The following ANKFN1 variants were observed in gnomAD, a reference collection of about 807,000 sequenced individuals.
ANKFN1 encodes ankyrin repeat and fibronectin type-III domain-containing protein 1.
A neutral mutation model predicts 108.7 loss-of-function variants in ANKFN1; 74 were observed. The ratio of observed to expected loss-of-function variants is 0.68; its 90% CI spans 0.56 to 0.83. The LOEUF is 0.83. Among genes scored for constraint, ANKFN1 ranks in the 40% least tolerant of loss-of-function variants. The probability of loss-of-function intolerance (pLI) is 0.00; values close to 1 mark genes in which losing one functional copy is unlikely to be tolerated. For synonymous variants in ANKFN1, 547 were observed against 516.2 expected (o/e 1.06, Z -0.81); for missense variants, 1,505 against 1,382.3 (o/e 1.09, Z -1.41).
intron 4 of ANKFN1, among the ~76,000 whole-genome samples, chr17:56,144,203 A>G (rs1908117606): frequency 6.6e-6 from 1 of 150,864 alleles, no homozygotes; most frequent in African/African-American, 2.4e-5. Context: ...AACCAAATGA[A>G]TGCAGAGGCA....
At chr17:56,167,261 GTATATATATATACATA>G (rs1477206417) in intron 1 of ANKFN1, among the ~76,000 whole-genome samples, 1 of 74,720 alleles carries the variant, frequency 1.3e-5, no homozygotes, top group East Asian at 4.3e-4. Flanking sequence ...GTATGTGTGT[GTATATATATATACATA>G]TATATATATA....
chr17:56,484,016 T>C (rs973643111), intron 18 of ANKFN1, among the ~76,000 whole-genome samples: 1 of 152,242 alleles, frequency 6.6e-6, no homozygotes, highest in East Asian at 1.9e-4. Flanking sequence ...GAGAAAGCCT[T>C]CATGGAGGGA....
chr17:56,449,155 C>A lies in ANKFN1; in HGVS notation c.1176C>A (p.Val392=). ...SEVLEGLLQQ[V]RALHQHYSCR... ...TTTTGGAAGGTCTGCTGCAGCAGGT[C>A]CGAGCCCTTCATCAGCATTACAGTT... The change falls in exon 11 of 21, where the codon GTC becomes GTA. Residue 392 remains valine, a synonymous_variant. Coordinates refer to ENST00000682825, the MANE Select transcript of ANKFN1 (RefSeq NM_001370326.1). The A allele has an allele frequency of 6.2e-7, 1 of 1,613,394 alleles. No individual in the cohort carries two copies. Among genetic ancestry groups the A allele is most frequent in the Non-Finnish European group, 8.5e-7 (1 of 1,179,640 alleles).
intron 8 of ANKFN1, among the ~76,000 whole-genome samples, chr17:56,409,336 T>G (rs2048020507): frequency 1.3e-5 from 2 of 152,200 alleles, no homozygotes; most frequent in South Asian, 4.1e-4. Context: ...TGTTTGCACT[T>G]ACAGGAAGAT....
chr17:56,291,145 G>A (rs1268007723), intron 3 of ANKFN1, among the ~76,000 whole-genome samples: 1 of 152,202 alleles, frequency 6.6e-6, no homozygotes, highest in African/African-American at 2.4e-5. Flanking sequence ...GAAGCTGTCA[G>A]TAATTTCTGA....
At chr17:56,149,831 C>T (rs1908489166), upstream of ANKFN1, among the ~76,000 whole-genome samples, 1 of 152,260 alleles carries the variant, frequency 6.6e-6, no homozygotes, top group Admixed American at 6.5e-5. Context: ...CCTCCACAAG[C>T]CCAGCCTCCC....
chr17:56,503,529 A>ATATG (rs56201887), intron 20 of ANKFN1, among the ~76,000 whole-genome samples: 9 of 131,114 alleles, frequency 6.9e-5, no homozygotes, highest in African/African-American at 2.5e-4. Flanking sequence ...ATATATATAT[A>ATATG]GACAGTGGTA....
chr17:56,507,667 CTTTAG>C (rs1201703927), intron 20 of ANKFN1, among the ~76,000 whole-genome samples: 1 of 152,190 alleles, frequency 6.6e-6, no homozygotes, highest in Non-Finnish European at 1.5e-5. Context: ...AATTTAACTC[CTTTAG>C]TTTAATTTCC....
chr17:56,199,516 G>C (rs781780093), intron 1 of ANKFN1, among the ~76,000 whole-genome samples: 6 of 151,998 alleles, frequency 3.9e-5, no homozygotes, highest in Admixed American at 1.3e-4. Flanking sequence ...AATCAATTTT[G>C]ATCTCCCAAC....
At chr17:56,448,298 A>T (rs2049362090) in intron 10 of ANKFN1, among the ~76,000 whole-genome samples, 1 of 152,174 alleles carries the variant, frequency 6.6e-6, no homozygotes. Context: ...ACAAAAAAAC[A>T]AGAGTTGGAG....
At chr17:56,396,962 A>C (rs1367804895) in intron 8 of ANKFN1, among the ~76,000 whole-genome samples, 1 of 152,164 alleles carries the variant, frequency 6.6e-6, no homozygotes, top group Non-Finnish European at 1.5e-5. Context: ...AGTTGCAGAA[A>C]GCTAAATGTA....
At chr17:56,286,417 G>T (rs896171409) in intron 3 of ANKFN1, among the ~76,000 whole-genome samples, 4 of 152,132 alleles carry the variant, frequency 2.6e-5, no homozygotes, top group African/African-American at 9.7e-5. Context: ...GTTTCATGAT[G>T]CCTGGGGCCT....
chr17:56,176,474 A>G (rs569598249), intron 1 of ANKFN1, among the ~76,000 whole-genome samples: 111 of 152,324 alleles, frequency 7.3e-4, no homozygotes, highest in Middle Eastern at 3.4e-3. Flanking sequence ...AGTGTTTGTT[A>G]TAGGTTGGAA....
intron 2 of ANKFN1, chr17:56,215,876 A>T (rs143253796): frequency 0.013 from 1,939 of 152,698 alleles, 30 homozygotes; most frequent in Middle Eastern, 0.037. Flanking sequence ...GGGCAGACAG[A>T]ATTGTGTTGC....
chr17:56,467,838 GAA>G (rs1568026751), intron 15 of ANKFN1, among the ~76,000 whole-genome samples: 2 of 63,608 alleles, frequency 3.1e-5, no homozygotes, highest in East Asian at 4.7e-4. Context: ...AAGAAAGAAA[GAA>G]AGAAAGAAAG....
intron 1 of ANKFN1, among the ~76,000 whole-genome samples, chr17:56,166,426 C>T (rs1910132976): frequency 3.9e-5 from 6 of 152,214 alleles, no homozygotes; most frequent in Admixed American, 3.9e-4. Context: ...CATGCCGTCA[C>T]TTCCAACAGA....
Position 56,067,840 on chromosome 17 carries a change from C to G in ANKFN1, c.288+21515C>G, listed in dbSNP as rs936763814. Among the ~76,000 whole-genome samples, 4 of 152,162 alleles carry G rather than the reference C, an allele frequency of 2.6e-5. No homozygotes were observed. In the East Asian group the frequency reaches 5.8e-4, roughly 22 times the overall value. The stretch of plus-strand genomic sequence containing the variant: ...CATAAATTCAGAGCAGAGATCGACA[C>G]CAGCTTCTCATTTCTGGAATACAGT... On this transcript the variant is annotated intron_variant, in intron 4 of 12. Transcript: ENST00000635860.
intron 8 of ANKFN1, among the ~76,000 whole-genome samples, chr17:56,430,986 G>A (rs1359371828): frequency 3.9e-5 from 6 of 152,134 alleles, no homozygotes; most frequent in African/African-American, 1.4e-4. Context: ...GTCGGAGGTC[G>A]GAAGAAAGAG....
At chr17:56,218,982 A>G (rs947060728) in intron 2 of ANKFN1, among the ~76,000 whole-genome samples, 1 of 152,168 alleles carries the variant, frequency 6.6e-6, no homozygotes, top group African/African-American at 2.4e-5. Context: ...TAGGTCTATT[A>G]CAGTACTTTT....
Sources: allele counts gnomAD v4.1 joint callset (sites outside exome capture counted in the v4.1 genomes callset), GRCh38; gene constraint gnomAD v4.1.1; transcripts MANE v1.5; gene names NCBI Gene and HGNC (gene_info 2026-07-23, HGNC 2026-07-21).